Variants in SEMA3C observed in about 807,000 individuals in gnomAD.
The protein encoded by SEMA3C is semaphorin-3C.
SEMA3C carries 47 observed loss-of-function variants against 89.4 expected under a neutral mutation model. The ratio of observed to expected loss-of-function variants is 0.53; its 90% CI spans 0.42 to 0.67. SEMA3C has a LOEUF of 0.67. Among genes scored for constraint, SEMA3C ranks in the 30% least tolerant of loss-of-function variants. The probability of loss-of-function intolerance (pLI) is 0.00; values close to 1 mark genes in which losing one functional copy is unlikely to be tolerated. For missense variants in SEMA3C, 839 were observed against 929.1 expected, an observed-to-expected ratio of 0.90 and a Z score of 1.26; for synonymous variants, 310 against 320.2, an observed-to-expected ratio of 0.97 and a Z score of 0.34.
At chr7:80,793,358 G>A (rs74893950) in intron 11 of SEMA3C, 4,530 of 256,662 alleles carry the variant, frequency 0.018, 53 homozygotes, top group Non-Finnish European at 0.027. Flanking sequence ...ACGTCCATTA[G>A]GTCAGTTTTC....
intron 12 of SEMA3C, among the ~76,000 whole-genome samples, chr7:80,780,095 T>G (rs932387253): frequency 6.6e-6 from 1 of 152,190 alleles, no homozygotes; most frequent in African/African-American, 2.4e-5. Flanking sequence ...CCTTAGGAGC[T>G]CTAAGATAAT....
chr7:80,885,528 G>A (rs1791454505), intron 2 of SEMA3C, among the ~76,000 whole-genome samples: 2 of 152,194 alleles, frequency 1.3e-5, no homozygotes, highest in Middle Eastern at 3.4e-3. Context: ...GAGGTGTGAG[G>A]ATCCTTTGAG....
intron 2 of SEMA3C, among the ~76,000 whole-genome samples, chr7:80,868,014 T>C (rs190548780): frequency 6.6e-6 from 1 of 152,212 alleles, no homozygotes; most frequent in Admixed American, 6.5e-5. Context: ...GAAAACCAGA[T>C]GACTTAATTG....
chr7:80,781,992 GA>G (rs967622270), intron 12 of SEMA3C, among the ~76,000 whole-genome samples: 11 of 150,436 alleles, frequency 7.3e-5, no homozygotes, highest in Admixed American at 4.0e-4. Flanking sequence ...TTTTAATTAA[GA>G]AAAAAAAATG....
intron 2 of SEMA3C, among the ~76,000 whole-genome samples, chr7:80,870,462 G>T (rs1450663620): frequency 2.0e-5 from 3 of 152,116 alleles, no homozygotes; most frequent in African/African-American, 7.2e-5. Flanking sequence ...TGACTTAATT[G>T]GGGTCTCACT....
At chr7:80,871,654 G>A (rs983945630) in intron 2 of SEMA3C, among the ~76,000 whole-genome samples, 15 of 152,056 alleles carry the variant, frequency 9.9e-5, no homozygotes, top group Non-Finnish European at 1.5e-5. Flanking sequence ...ATGGAACACT[G>A]GGCATAAATG....
intron 11 of SEMA3C, chr7:80,793,208 G>A (rs901365027): frequency 1.2e-5 from 2 of 170,052 alleles, no homozygotes; most frequent in Admixed American, 1.3e-4. Context: ...TTACTAAAGT[G>A]TGATATGAAA....
At chr7:80,823,601 C>A (rs1433150826) in intron 4 of SEMA3C, among the ~76,000 whole-genome samples, 2 of 151,850 alleles carry the variant, frequency 1.3e-5, no homozygotes, top group Non-Finnish European at 2.9e-5. Context: ...GGAAATGAAT[C>A]AAGGTATTTT....
intron 4 of SEMA3C, among the ~76,000 whole-genome samples, chr7:80,818,955 T>TGGCAA (rs1789679670): frequency 6.6e-6 from 1 of 152,220 alleles, no homozygotes; most frequent in African/African-American, 2.4e-5. Flanking sequence ...ACTGATTACC[T>TGGCAA]ACTATTTGCC....
intron 12 of SEMA3C, among the ~76,000 whole-genome samples, chr7:80,783,131 T>G (rs1169606059): frequency 1.3e-5 from 2 of 152,086 alleles, no homozygotes; most frequent in Admixed American, 1.3e-4. Context: ...TAAAGAAAAA[T>G]AATGCTGCTT....
At chr7:80,859,937 C>T (rs891247329) in intron 2 of SEMA3C, among the ~76,000 whole-genome samples, 6 of 151,720 alleles carry the variant, frequency 4.0e-5, no homozygotes, top group South Asian at 2.1e-4. Flanking sequence ...TTAAAATAAT[C>T]GGGTTTCAAA....
chr7:80,888,732 CATT>C (rs1791542188), intron 2 of SEMA3C, among the ~76,000 whole-genome samples: 1 of 151,878 alleles, frequency 6.6e-6, no homozygotes, highest in South Asian at 2.1e-4. Context: ...TCCTTATAGA[CATT>C]ATAGACATTT....
chr7:80,908,462 T>C (rs1584000608), intron 2 of SEMA3C, among the ~76,000 whole-genome samples: 2 of 152,226 alleles, frequency 1.3e-5, no homozygotes, highest in South Asian at 4.1e-4. Context: ...ACATTTCATA[T>C]GCTATAATTG....
rs1445467252 is a variant in SEMA3C at position 80,827,506 on chromosome 7, A to G, written c.265-19T>C. On this transcript the variant is annotated intron_variant, in intron 3 of 17. Coordinates refer to ENST00000265361, the MANE Select transcript of SEMA3C (RefSeq NM_006379.5). ...AGAAAACCTGCTCAGAAAGAAAAAT[A>G]AAGGTTGCATAATCTCACCTGGACA... is the stretch of plus-strand genomic sequence containing the variant. 5 of 1,593,098 alleles carry G rather than the reference A, an allele frequency of 3.1e-6. No individual in the cohort carries two copies. Among genetic ancestry groups the G allele is most frequent in the Admixed American group, 1.8e-5 (1 of 56,018 alleles).
chr7:80,750,862 G>A (rs1005142994), intron 16 of SEMA3C, among the ~76,000 whole-genome samples: 1 of 152,014 alleles, frequency 6.6e-6, no homozygotes, highest in Admixed American at 6.6e-5. Context: ...CCACAGAACT[G>A]TAAACTTTAA....
At chr7:80,916,990 T>C (rs1792293074) in intron 1 of SEMA3C, among the ~76,000 whole-genome samples, 171 bp from the exon 2 acceptor site, 1 of 152,180 alleles carries the variant, frequency 6.6e-6, no homozygotes, top group Non-Finnish European at 1.5e-5. Context: ...AAAATGTGGA[T>C]TTGATTCATT....
chr7:80,781,419 T>A (rs1788688140), intron 12 of SEMA3C, among the ~76,000 whole-genome samples: 1 of 152,232 alleles, frequency 6.6e-6, no homozygotes. Flanking sequence ...AACTCTGTTT[T>A]CAGATCTTTT....
At chr7:80,753,777 ATCTTG>A (rs1360937600) in intron 15 of SEMA3C, among the ~76,000 whole-genome samples, 1 of 152,228 alleles carries the variant, frequency 6.6e-6, no homozygotes, top group Non-Finnish European at 1.5e-5. Context: ...TGGTCTGATT[ATCTTG>A]TCTTAATAAA....
At chr7:80,836,873 G>A (rs893856734) in intron 2 of SEMA3C, among the ~76,000 whole-genome samples, 3 of 151,994 alleles carry the variant, frequency 2.0e-5, no homozygotes, top group Non-Finnish European at 4.4e-5. Flanking sequence ...TATCACTAGT[G>A]CCCTCTTTCA....
Sources: gnomAD v4.1 joint callset for allele counts (sites outside exome capture counted in the v4.1 genomes callset) on GRCh38, gnomAD v4.1.1 for gene constraint, MANE v1.5 for transcripts, NCBI Gene and HGNC (gene_info 2026-07-23, HGNC 2026-07-21) for gene names.